The following UNC13C variants were observed in gnomAD, a reference collection of about 807,000 sequenced individuals.
The protein encoded by UNC13C is unc-13 homolog C.
Under a neutral mutation model 245.4 loss-of-function variants are expected in UNC13C, and 174 were observed. The observed-to-expected ratio is 0.71, with a 90% CI of 0.63 to 0.80. The LOEUF is 0.80. Among genes scored for constraint, UNC13C ranks in the 30% least tolerant of loss-of-function variants. The probability of loss-of-function intolerance (pLI) is 0.00; values close to 1 mark genes in which losing one functional copy is unlikely to be tolerated. For missense variants in UNC13C, 2,829 were observed against 2,602.9 expected, an observed-to-expected ratio of 1.09 and a Z score of -1.89; for synonymous variants, 992 against 895.1, an observed-to-expected ratio of 1.11 and a Z score of -1.93.
At chr15:54,044,063 T>C (rs960708470) in intron 2 of UNC13C, among the ~76,000 whole-genome samples, 4 of 152,222 alleles carry the variant, frequency 2.6e-5, no homozygotes, top group Admixed American at 6.5e-5. Flanking sequence ...CCCATGTTTA[T>C]TGTCGTCACT....
the UNC13C span, among the ~76,000 whole-genome samples, chr15:53,843,079 C>T: frequency 6.6e-6 from 1 of 151,996 alleles, no homozygotes; most frequent in East Asian, 1.9e-4. Flanking sequence ...AGATGTTTCT[C>T]ATTCGAATAT....
intron 8 of UNC13C, among the ~76,000 whole-genome samples, chr15:54,258,946 T>C (rs2036351663): frequency 6.6e-6 from 1 of 152,204 alleles, no homozygotes; most frequent in South Asian, 2.1e-4. Context: ...AACATAAATT[T>C]ATTACCCACA....
chr15:54,056,792 TG>T (rs1307109377), intron 2 of UNC13C, among the ~76,000 whole-genome samples: 1 of 152,082 alleles, frequency 6.6e-6, no homozygotes, highest in East Asian at 1.9e-4. Context: ...CAGAAGAGAG[TG>T]GGGCCCAATA....
the UNC13C span, among the ~76,000 whole-genome samples, chr15:53,894,561 C>T: frequency 4.6e-5 from 7 of 152,146 alleles, no homozygotes; most frequent in East Asian, 1.9e-4. Context: ...TCCCCTCTTA[C>T]GCCTTGAATG....
intron 17 of UNC13C, among the ~76,000 whole-genome samples, chr15:54,366,665 AG>A (rs1297498945): frequency 6.6e-6 from 1 of 152,322 alleles, no homozygotes; most frequent in Non-Finnish European, 1.5e-5. Context: ...TGAGAAAATC[AG>A]GGTTGGCTGG....
intron 4 of UNC13C, among the ~76,000 whole-genome samples, chr15:54,206,589 G>C (rs2140735866): frequency 6.6e-6 from 1 of 152,204 alleles, no homozygotes; most frequent in African/African-American, 2.4e-5. Context: ...AGACAAAACA[G>C]ATCATCCTCA....
intron 30 of UNC13C, among the ~76,000 whole-genome samples, chr15:54,569,672 T>A (rs1453476967): frequency 2.0e-5 from 3 of 152,076 alleles, no homozygotes; most frequent in Non-Finnish European, 4.4e-5. Context: ...ATGTATTATA[T>A]GAAAACATTA....
chr15:54,200,426 C>G (rs578169022), intron 4 of UNC13C, among the ~76,000 whole-genome samples: 2 of 152,090 alleles, frequency 1.3e-5, no homozygotes, highest in East Asian at 3.9e-4. Context: ...GACCATATGA[C>G]AGGCCACAGA....
chr15:54,320,635 A>G (rs1355505), intron 13 of UNC13C: 57,842 of 236,592 alleles, frequency 0.24, 7,408 homozygotes, highest in East Asian at 0.31. Flanking sequence ...CACTGTGCCC[A>G]GCTGAATTCA....
chr15:54,394,619 T>C (rs2040033425), intron 18 of UNC13C, among the ~76,000 whole-genome samples: 1 of 151,858 alleles, frequency 6.6e-6, no homozygotes, highest in Non-Finnish European at 1.5e-5. Flanking sequence ...GACTGTGTCC[T>C]TGGACTGGGA....
intron 4 of UNC13C, among the ~76,000 whole-genome samples, chr15:54,220,719 G>C (rs911316708): frequency 6.6e-6 from 1 of 152,004 alleles, no homozygotes; most frequent in Admixed American, 6.6e-5. Flanking sequence ...GTAGTTAAAA[G>C]TACACTGGGA....
chr15:54,474,471 AT>A (rs34724594), intron 19 of UNC13C, among the ~76,000 whole-genome samples: 5 of 151,228 alleles, frequency 3.3e-5, no homozygotes, highest in Non-Finnish European at 5.9e-5. Flanking sequence ...TTTGTATGTC[AT>A]TTTTTTTGAG....
chr15:54,014,242 C>T lies in UNC13C; in HGVS notation c.1339C>T (p.Gln447Ter). The T allele has an allele frequency of 1.9e-6, 3 of 1,613,876 alleles. 1 individual carries two copies. Among genetic ancestry groups the T allele is most frequent in the Non-Finnish European group, 8.5e-7 (1 of 1,179,824 alleles). Reference protein sequence around the residue: ...PEPKIKKNNWQSPDDSDEDLE... With the variant: ...PEPKIKKNNW ...GCCAAAAATCAAGAAGAACAATTGG[C>T]AGTCACCTGATGACAGTGATGAAGA... The change falls in exon 2 of 33, where the codon CAG becomes TAG. Residue 447 changes from glutamine to a stop codon, truncating the protein, a stop_gained. Transcript: ENST00000260323. LOFTEE classifies it high-confidence loss of function.
chr15:53,987,993 G>A (rs772023897), intron 1 of UNC13C, among the ~76,000 whole-genome samples: 13 of 151,984 alleles, frequency 8.6e-5, no homozygotes, highest in Non-Finnish European at 1.9e-4. Flanking sequence ...GTTTGTGTGA[G>A]TTTAATGTGT....
intron 4 of UNC13C, among the ~76,000 whole-genome samples, chr15:54,161,127 C>T (rs1450797033): frequency 6.6e-6 from 1 of 152,064 alleles, no homozygotes; most frequent in African/African-American, 2.4e-5. Flanking sequence ...GAAATAGGAT[C>T]TTGCTCTGTC....
the UNC13C span, among the ~76,000 whole-genome samples, chr15:53,915,062 G>A: frequency 2.0e-5 from 3 of 152,166 alleles, no homozygotes; most frequent in African/African-American, 7.2e-5. Flanking sequence ...AAGAGAACAT[G>A]AGTTGACTCA....
intron 2 of UNC13C, among the ~76,000 whole-genome samples, chr15:54,135,813 A>AT (rs1182903759): frequency 6.6e-6 from 1 of 151,752 alleles, no homozygotes; most frequent in Non-Finnish European, 1.5e-5. Flanking sequence ...AAGTTTTAGA[A>AT]TTTTTTTTCT....
intron 2 of UNC13C, among the ~76,000 whole-genome samples, chr15:54,053,230 C>G (rs962279229): frequency 6.6e-6 from 1 of 151,980 alleles, no homozygotes; most frequent in African/African-American, 2.4e-5. Context: ...TCTGGTTTCA[C>G]CATGTTGTTC....
At position 54,186,842 on chromosome 15, in the gene UNC13C, T is replaced by TATATATATAC. The variant is rs1201006554; in HGVS notation, c.3071+43160_3071+43161insATATATACAT. The stretch of plus-strand genomic sequence containing the variant: ...TGACACATACAAAGAACATAATATA[T>TATATATATAC]ATGTATATATATATTTTGTTTTTTG... On this transcript the variant is annotated intron_variant, in intron 4 of 32. Coordinates refer to ENST00000260323, the MANE Select transcript of UNC13C (RefSeq NM_001080534.3). Among the ~76,000 whole-genome samples, 100 of 116,636 alleles carry TATATATATAC rather than the reference T, an allele frequency of 8.6e-4. 4 individuals carry two copies. Among genetic ancestry groups the TATATATATAC allele is most frequent in the African/African-American group, 4.3e-3 (96 of 22,094 alleles). The allele number at this position is 116,636 out of a possible 152,430, so 76.5% of individuals were successfully genotyped here. A position where few individuals can be genotyped will look rare whatever the true frequency, so the allele number is the denominator to read the frequency against.
Sources: gnomAD v4.1 joint callset for allele counts (sites outside exome capture counted in the v4.1 genomes callset) on GRCh38, gnomAD v4.1.1 for gene constraint, MANE v1.5 for transcripts, NCBI Gene and HGNC (gene_info 2026-07-23, HGNC 2026-07-21) for gene names.